Variants in CFAP61 observed in about 807,000 individuals in gnomAD.
CFAP61 encodes the protein cilia and flagella associated protein 61, also known as cilia- and flagella-associated protein 61.
A neutral mutation model predicts 135.6 loss-of-function variants in CFAP61; 107 were observed. That is an observed-to-expected ratio of 0.79 (90% CI 0.67 to 0.93). The LOEUF (loss-of-function observed/expected upper bound fraction) is 0.93. Ranked by LOEUF, CFAP61 falls within the 40% of genes least tolerant of loss-of-function variation. The pLI, the probability that CFAP61 is intolerant of heterozygous loss-of-function variation, is 0.00. For synonymous variants in CFAP61, 575 were observed against 578.5 expected, an observed-to-expected ratio of 0.99 and a Z score of 0.09; for missense variants, 1,507 against 1,556.2, an observed-to-expected ratio of 0.97 and a Z score of 0.53.
chr20:20,077,497 T>C (rs1475863045), intron 6 of CFAP61, among the ~76,000 whole-genome samples: 1 of 152,202 alleles, frequency 6.6e-6, no homozygotes, highest in African/African-American at 2.4e-5. Context: ...TCAGACTCTG[T>C]AAAATGTTTG....
At chr20:20,130,252 G>A (rs935135527) in intron 8 of CFAP61, among the ~76,000 whole-genome samples, 2 of 151,536 alleles carry the variant, frequency 1.3e-5, no homozygotes, top group Non-Finnish European at 2.9e-5. Flanking sequence ...TCATGCCATT[G>A]TACTTCAGCC....
At chr20:20,327,169 T>A (rs187450413) in intron 25 of CFAP61, among the ~76,000 whole-genome samples, 342 of 152,298 alleles carry the variant, frequency 2.2e-3, no homozygotes, top group African/African-American at 6.9e-3. Context: ...ATCTTGGAAT[T>A]TCTTTGACAG....
intron 8 of CFAP61, among the ~76,000 whole-genome samples, chr20:20,131,828 G>A (rs1001929757): frequency 6.6e-6 from 1 of 151,838 alleles, no homozygotes; most frequent in Non-Finnish European, 1.5e-5. Context: ...TGTAACTAAT[G>A]TATGTATTAT....
chr20:20,187,741 C>T (rs913776569), intron 13 of CFAP61, among the ~76,000 whole-genome samples, 189 bp from the exon 14 acceptor site: 6 of 152,114 alleles, frequency 3.9e-5, no homozygotes, highest in African/African-American at 1.4e-4. Context: ...ATTCTTCACA[C>T]TTTTTTGTGT....
intron 18 of CFAP61, among the ~76,000 whole-genome samples, chr20:20,241,301 C>T (rs754436666): frequency 1.3e-5 from 2 of 152,026 alleles, no homozygotes; most frequent in Non-Finnish European, 2.9e-5. Flanking sequence ...AGAGGGGTTA[C>T]AGTAGAGAAC....
Position 20,164,078 on chromosome 20 carries a change from C to T in CFAP61, c.1055C>T (p.Thr352Ile). The change falls in exon 11 of 27, where the codon ACT becomes ATT. Residue 352 changes from threonine (T) to isoleucine (I), a missense_variant. Thr to Ile is a moderately conservative substitution (Grantham distance 89). Transcript: ENST00000245957. ...EDIEKLSDIS[T>I]GYAQYHHVSS... ...ATAGAAAAACTCAGTGACATCTCCA[C>T]TGGATATGCACAGTATCACCATGTC... 1 of 1,611,848 alleles carries T rather than the reference C, an allele frequency of 6.2e-7. No individual in the cohort carries two copies. The highest frequency in any genetic ancestry group is 1.1e-5 in the South Asian group (1 of 90,580).
At chr20:20,355,664 G>A (rs1458382456) in intron 26 of CFAP61, among the ~76,000 whole-genome samples, 4 of 144,206 alleles carry the variant, frequency 2.8e-5, no homozygotes, top group Admixed American at 1.4e-4. Context: ...GTGAGGGGAG[G>A]TGATCACACT....
intron 25 of CFAP61, among the ~76,000 whole-genome samples, chr20:20,341,433 T>C (rs948878559): frequency 6.6e-5 from 10 of 152,222 alleles, no homozygotes; most frequent in Non-Finnish European, 1.0e-4. Context: ...CTAGAAAGCT[T>C]AATGATGAAC....
At chr20:20,213,102 GA>G (rs1418489069) in intron 17 of CFAP61, among the ~76,000 whole-genome samples, 2 of 152,144 alleles carry the variant, frequency 1.3e-5, no homozygotes, top group African/African-American at 4.8e-5. Flanking sequence ...GGGCCACAAG[GA>G]AGCAGCTAAT....
At chr20:20,247,605 T>C (rs1354686807) in intron 19 of CFAP61, among the ~76,000 whole-genome samples, 1 of 152,250 alleles carries the variant, frequency 6.6e-6, no homozygotes, top group Non-Finnish European at 1.5e-5. Flanking sequence ...TAGCCACATG[T>C]AGCCAGTGGC....
chr20:20,193,938 A>T (rs1055804406), intron 15 of CFAP61, among the ~76,000 whole-genome samples: 1 of 152,186 alleles, frequency 6.6e-6, no homozygotes. Context: ...TCTCATCAGA[A>T]TGTTGTCTTC....
At chr20:20,294,031 A>G (rs2147071748) in intron 24 of CFAP61, among the ~76,000 whole-genome samples, 1 of 152,362 alleles carries the variant, frequency 6.6e-6, no homozygotes, top group Admixed American at 6.5e-5. Flanking sequence ...AAGAAAAACC[A>G]CATCAGAATC....
intron 9 of CFAP61, among the ~76,000 whole-genome samples, chr20:20,144,478 T>TCAC (rs2051694571): frequency 1.3e-5 from 2 of 152,084 alleles, no homozygotes; most frequent in Non-Finnish European, 1.5e-5. Context: ...AGATGAAAGA[T>TCAC]TAGTGAACTT....
chr20:20,319,115 G>A (rs2057300315), intron 25 of CFAP61, among the ~76,000 whole-genome samples: 1 of 152,152 alleles, frequency 6.6e-6, no homozygotes, highest in Admixed American at 6.5e-5. Context: ...TATCCCTCAT[G>A]GCTGAGTGAG....
intron 22 of CFAP61, among the ~76,000 whole-genome samples, chr20:20,285,222 T>C (rs969220696): frequency 2.6e-5 from 4 of 152,168 alleles, no homozygotes; most frequent in Non-Finnish European, 4.4e-5. Flanking sequence ...TTATCCTTGG[T>C]TTTTAGCAAT....
At chr20:20,262,391 G>A (rs1431049560) in intron 20 of CFAP61, among the ~76,000 whole-genome samples, 1 of 152,206 alleles carries the variant, frequency 6.6e-6, no homozygotes, top group Admixed American at 6.5e-5. Flanking sequence ...CAAGCTACAT[G>A]GAGAGGCCAC....
intron 22 of CFAP61, among the ~76,000 whole-genome samples, chr20:20,280,299 G>C (rs73903343): frequency 6.6e-4 from 101 of 152,258 alleles, no homozygotes; most frequent in Non-Finnish European, 1.3e-3. Flanking sequence ...GCTAGCAACC[G>C]TCAGGAAGTA....
intron 16 of CFAP61, 58 bp from the exon 17 acceptor site, chr20:20,199,710 A>C (rs2056506257): frequency 6.2e-7 from 1 of 1,602,202 alleles, no homozygotes; most frequent in East Asian, 2.2e-5. Context: ...GTACGCAGAC[A>C]TCTGTGCTGA....
chr20:20,330,536 C>T (rs113406637), intron 25 of CFAP61, among the ~76,000 whole-genome samples: 6,208 of 152,086 alleles, frequency 0.041, 445 homozygotes, highest in African/African-American at 0.14. Flanking sequence ...AGGGTTTCAC[C>T]ATGTTGCCCA....
Sources: allele counts gnomAD v4.1 joint callset (sites outside exome capture counted in the v4.1 genomes callset), GRCh38; gene constraint gnomAD v4.1.1; transcripts MANE v1.5; gene names NCBI Gene and HGNC (gene_info 2026-07-23, HGNC 2026-07-21).